The following SAMD8 variants were observed in gnomAD, a reference collection of about 807,000 sequenced individuals.
SAMD8 encodes the protein sterile alpha motif domain containing 8, also known as sphingomyelin synthase-related protein 1.
In SAMD8, 20 loss-of-function variants were observed where a neutral mutation model predicts 42.0. The observed-to-expected ratio is 0.48, with a 90% confidence interval of 0.34 to 0.69. The LOEUF is 0.69. SAMD8 is among the 30% of genes least tolerant of loss of function. SAMD8 has a pLI of 0.01. For synonymous variants in SAMD8, 162 were observed against 173.0 expected, an observed-to-expected ratio of 0.94 and a Z score of 0.50; for missense variants, 328 against 511.6, an observed-to-expected ratio of 0.64 and a Z score of 3.46.
At chr10:75,134,638 C>G (rs1022088601) in intron 1 of SAMD8, among the ~76,000 whole-genome samples, 1 of 151,070 alleles carries the variant, frequency 6.6e-6, no homozygotes, top group African/African-American at 2.4e-5. Flanking sequence ...TTCCCCCCCC[C>G]AAAAAAAAGA....
chr10:75,161,632 TAA>T (rs1840560155), intron 2 of SAMD8, among the ~76,000 whole-genome samples: 1 of 149,878 alleles, frequency 6.7e-6, no homozygotes, highest in East Asian at 2.0e-4. Flanking sequence ...TCAAGAGAAA[TAA>T]GAGATGTTGC....
intron 1 of SAMD8, among the ~76,000 whole-genome samples, chr10:75,103,270 G>A (rs574336506): frequency 1.8e-4 from 27 of 152,370 alleles, no homozygotes; most frequent in African/African-American, 5.8e-4. Flanking sequence ...CCCTCAGTTA[G>A]GGGCCAAGGC....
intron 1 of SAMD8, among the ~76,000 whole-genome samples, chr10:75,144,941 C>T (rs76287102): frequency 0.014 from 2,127 of 152,262 alleles, 21 homozygotes; most frequent in Middle Eastern, 0.031. Flanking sequence ...TTGCAACCAG[C>T]GCCCTTGAAT....
chr10:75,171,810 A>C (rs1840874628), intron 4 of SAMD8, among the ~76,000 whole-genome samples: 1 of 152,172 alleles, frequency 6.6e-6, no homozygotes, highest in Non-Finnish European at 1.5e-5. Flanking sequence ...GGATCACTTG[A>C]GGCCAGGAGT....
chr10:75,169,516 C>A (rs1273880179), intron 4 of SAMD8, among the ~76,000 whole-genome samples: 1 of 150,300 alleles, frequency 6.7e-6, no homozygotes, highest in Non-Finnish European at 1.5e-5. Flanking sequence ...AGAAAGAAAA[C>A]AATTTTCTTT....
intron 2 of SAMD8, among the ~76,000 whole-genome samples, chr10:75,163,914 T>TAAAACAA (rs1840616719): frequency 1.3e-5 from 2 of 150,316 alleles, no homozygotes; most frequent in Admixed American, 1.3e-4. Context: ...GAGAAAGAGG[T>TAAAACAA]AAAACAAAAA....
intron 1 of SAMD8, chr10:75,102,079 A>G (rs1348403632): frequency 3.0e-6 from 2 of 674,074 alleles, no homozygotes; most frequent in Non-Finnish European, 4.6e-6. Flanking sequence ...AAGCACAGTC[A>G]GGCACCTTTC....
At chr10:75,148,512 C>T (rs964428220) in intron 1 of SAMD8, among the ~76,000 whole-genome samples, 1 of 152,044 alleles carries the variant, frequency 6.6e-6, no homozygotes, top group African/African-American at 2.4e-5. Flanking sequence ...CGCTGCCATG[C>T]CCGGCTAATT....
intron 2 of SAMD8, among the ~76,000 whole-genome samples, chr10:75,156,453 T>A (rs1261527359): frequency 6.6e-6 from 1 of 152,178 alleles, no homozygotes; most frequent in Non-Finnish European, 1.5e-5. Context: ...CTTATTCACA[T>A]GATCTGAAAG....
At chr10:75,107,688 T>C (rs1848599705), upstream of SAMD8, among the ~76,000 whole-genome samples, 2 of 152,150 alleles carry the variant, frequency 1.3e-5, no homozygotes, top group South Asian at 4.1e-4. Flanking sequence ...GCAATTCTCC[T>C]GCCTCAGCCT....
At position 75,132,169 on chromosome 10, in the gene SAMD8, C is replaced by G. The variant is rs555922775; in HGVS notation, c.-15-18345C>G. ...AAACAACCTTTTCTAGACAGGTACTCTCTGCTCTGTGGCACTGATGTTACG... is the reference window on the plus strand; with the variant it reads ...AAACAACCTTTTCTAGACAGGTACTGTCTGCTCTGTGGCACTGATGTTACG... On this transcript the variant is annotated intron_variant, in intron 1 of 5. Transcript: ENST00000542569. Among the ~76,000 whole-genome samples, 31 of 152,322 alleles carry G rather than the reference C, an allele frequency of 2.0e-4. 1 individual carries two copies. The East Asian group carries it at 6.0e-3, about 29-fold the overall frequency.
At chr10:75,174,350 C>G (rs1235751738) in intron 4 of SAMD8, among the ~76,000 whole-genome samples, 1 of 151,460 alleles carries the variant, frequency 6.6e-6, no homozygotes, top group African/African-American at 2.4e-5. Context: ...AGGATGGTCT[C>G]AATCTCCTGA....
intron 3 of SAMD8, among the ~76,000 whole-genome samples, chr10:75,167,513 A>T (rs1400742010): frequency 6.6e-6 from 1 of 152,214 alleles, no homozygotes; most frequent in Non-Finnish European, 1.5e-5. Flanking sequence ...GACATGAGCC[A>T]CTGCACCTAG....
intron 1 of SAMD8, among the ~76,000 whole-genome samples, chr10:75,145,220 C>T (rs1173421335): frequency 6.6e-6 from 1 of 152,226 alleles, no homozygotes; most frequent in African/African-American, 2.4e-5. Flanking sequence ...GCAGGGATTA[C>T]AGGCGTGAGC....
At chr10:75,132,929 C>T (rs1378306098) in intron 1 of SAMD8, among the ~76,000 whole-genome samples, 2 of 152,144 alleles carry the variant, frequency 1.3e-5, no homozygotes, top group Non-Finnish European at 2.9e-5. Context: ...GTCAAGGCTA[C>T]AGTGAACCGT....
chr10:75,108,308 G>T (rs1290021373), upstream of SAMD8: 12 of 1,487,162 alleles, frequency 8.1e-6, no homozygotes, highest in Non-Finnish European at 1.1e-5. Flanking sequence ...AGCCATTAGG[G>T]TCCAAAGAGA....
chr10:75,171,457 G>A (rs971903720), intron 4 of SAMD8, among the ~76,000 whole-genome samples: 3 of 152,014 alleles, frequency 2.0e-5, no homozygotes, highest in East Asian at 1.9e-4. Context: ...GTGAGCCATC[G>A]CGCCCAGCCT....
At chr10:75,161,413 CCT>C (rs1252700724) in intron 2 of SAMD8, among the ~76,000 whole-genome samples, 1 of 151,974 alleles carries the variant, frequency 6.6e-6, no homozygotes, top group East Asian at 1.9e-4. Context: ...CTCTGCGCAC[CCT>C]GAGTGCGCAG....
At chr10:75,164,582 G>A (rs1564693749) in intron 2 of SAMD8, 63 bp from the exon 3 acceptor site, 1 of 1,565,496 alleles carries the variant, frequency 6.4e-7, no homozygotes, top group Admixed American at 1.8e-5. Context: ...GCACCTTACT[G>A]AAAAGGGTGG....
Sources: gnomAD v4.1 joint callset for allele counts (sites outside exome capture counted in the v4.1 genomes callset) on GRCh38, gnomAD v4.1.1 for gene constraint, MANE v1.5 for transcripts, NCBI Gene and HGNC (gene_info 2026-07-23, HGNC 2026-07-21) for gene names.